EDIL3: variants seen among roughly 807,000 people sequenced by gnomAD.
The protein encoded by EDIL3 is EGF-like repeat and discoidin I-like domain-containing protein 3.
EDIL3 carries 37 observed loss-of-function variants against 67.4 expected under a neutral mutation model. The ratio of observed to expected loss-of-function variants is 0.55; its 90% CI spans 0.42 to 0.72. The LOEUF (loss-of-function observed/expected upper bound fraction) is 0.72, where lower values mean the gene tolerates loss of function less well. Ranked by LOEUF, EDIL3 falls within the 30% of genes least tolerant of loss-of-function variation. The pLI is 0.00. For missense variants in EDIL3, 527 were observed against 586.3 expected, an observed-to-expected ratio of 0.90 and a Z score of 1.04; for synonymous variants, 195 against 196.3, an observed-to-expected ratio of 0.99 and a Z score of 0.05.
chr5:84,009,909 T>C (rs1745487706), intron 9 of EDIL3, among the ~76,000 whole-genome samples: 3 of 152,356 alleles, frequency 2.0e-5, no homozygotes, highest in Non-Finnish European at 2.9e-5. Flanking sequence ...GGGAGACCAC[T>C]ACCACCAATT....
chr5:84,111,671 A>G (rs1476998737), intron 5 of EDIL3, among the ~76,000 whole-genome samples: 4 of 152,132 alleles, frequency 2.6e-5, no homozygotes, highest in South Asian at 2.1e-4. Context: ...CTATGAAGGA[A>G]AAAAAGAAGG....
chr5:84,375,361 G>GT (rs887152298), intron 1 of EDIL3, among the ~76,000 whole-genome samples: 10 of 151,830 alleles, frequency 6.6e-5, no homozygotes, highest in Non-Finnish European at 2.9e-5. Context: ...GCAGTTTGAA[G>GT]TTTTTTTAAA....
chr5:84,094,280 C>G (rs1184268568), intron 6 of EDIL3, among the ~76,000 whole-genome samples: 1 of 151,914 alleles, frequency 6.6e-6, no homozygotes, highest in Non-Finnish European at 1.5e-5. Context: ...AATTTTCCAC[C>G]TGGGATCATA....
intron 1 of EDIL3, among the ~76,000 whole-genome samples, chr5:84,315,565 G>C (rs1197871744): frequency 2.0e-5 from 3 of 152,054 alleles, no homozygotes; most frequent in Admixed American, 6.6e-5. Context: ...GCTAATTAAA[G>C]GAATTTAATG....
intron 1 of EDIL3, among the ~76,000 whole-genome samples, chr5:84,297,576 T>G (rs1746076051): frequency 6.6e-6 from 1 of 151,902 alleles, no homozygotes. Flanking sequence ...TGAGAAAAAG[T>G]CAGTTTGAGA....
At chr5:84,253,170 C>G (rs1417270208) in intron 2 of EDIL3, among the ~76,000 whole-genome samples, 1 of 152,084 alleles carries the variant, frequency 6.6e-6, no homozygotes, top group Admixed American at 6.5e-5. Flanking sequence ...AGACTGATCC[C>G]TGGACGCTAT....
chr5:84,295,303 AAAT>A (rs1746025129), intron 1 of EDIL3, among the ~76,000 whole-genome samples: 1 of 152,072 alleles, frequency 6.6e-6, no homozygotes, highest in African/African-American at 2.4e-5. Context: ...ACCCACTCTA[AAAT>A]AATGTTAGAT....
At chr5:84,126,359 AC>A (rs1362639561) in intron 5 of EDIL3, among the ~76,000 whole-genome samples, 1 of 152,056 alleles carries the variant, frequency 6.6e-6, no homozygotes, top group African/African-American at 2.4e-5. Flanking sequence ...TATAGTATGG[AC>A]CTTTTTGTCA....
chr5:84,254,362 C>A (rs1200428736), intron 1 of EDIL3, 150 bp from the exon 2 acceptor site: 10 of 889,042 alleles, frequency 1.1e-5, no homozygotes, highest in Non-Finnish European at 1.6e-5. Context: ...AGACTCATTT[C>A]AAACCATGTA....
chr5:84,342,649 T>A (rs1013740058), intron 1 of EDIL3, among the ~76,000 whole-genome samples: 1 of 152,180 alleles, frequency 6.6e-6, no homozygotes, highest in Admixed American at 6.5e-5. Flanking sequence ...TTCTCTTCAT[T>A]ATTAAATGAG....
rs73136234 is a variant in EDIL3, at chr5:84,108,637, T to A, written c.470-1807A>T. Among the ~76,000 whole-genome samples the A allele has an allele frequency of 1.3e-3, 204 of 152,328 alleles. 1 individual carries two copies. Among genetic ancestry groups the A allele is most frequent in the African/African-American group, 4.8e-3 (198 of 41,582 alleles). On this transcript the variant is annotated intron_variant, in intron 5 of 10. Transcript: ENST00000296591. ...TTGCTTTCCATTTTAAACTTCAAGA[T>A]CTTTACAGACTTCATAAACGTACTA...
intron 10 of EDIL3, among the ~76,000 whole-genome samples, chr5:83,945,188 AAGGAAT>A (rs1399062921): frequency 2.2e-4 from 34 of 151,982 alleles, no homozygotes; most frequent in Admixed American, 2.0e-4. Flanking sequence ...GTCTTGCACA[AAGGAAT>A]AATTCATTCT....
intron 3 of EDIL3, among the ~76,000 whole-genome samples, chr5:84,197,467 C>G (rs968333973): frequency 2.0e-5 from 3 of 151,912 alleles, no homozygotes; most frequent in Non-Finnish European, 2.9e-5. Context: ...TGGAGACCAT[C>G]TGGCCAACAT....
intron 4 of EDIL3, among the ~76,000 whole-genome samples, chr5:84,144,534 G>A (rs1221149049): frequency 1.3e-5 from 2 of 152,106 alleles, no homozygotes; most frequent in Non-Finnish European, 2.9e-5. Flanking sequence ...AGGGGATGTT[G>A]AGTTTTAGAG....
In EDIL3 at chr5:83,942,691, T is replaced by C. The variant is rs2112108264; in HGVS notation, c.*728A>G. 6.6e-6 allele frequency: 1 copy of C among 152,108 alleles called. No homozygotes were observed. Among genetic ancestry groups the C allele is most frequent in the South Asian group, 2.1e-4 (1 of 4,818 alleles). 9.4% of individuals were successfully genotyped at this position (152,108 alleles called of 1,614,324 possible). On this transcript the variant is annotated 3_prime_UTR_variant, in exon 11 of 11. Coordinates refer to ENST00000296591, the MANE Select transcript of EDIL3 (RefSeq NM_005711.5). Reference sequence around the variant, plus strand: ...TATTAAATACAGATCAATCTACTGATAGGCAGTCATGTTCTACATATATGA... The same window carrying C: ...TATTAAATACAGATCAATCTACTGACAGGCAGTCATGTTCTACATATATGA...
At chr5:84,207,557 A>C (rs1744009987) in intron 3 of EDIL3, among the ~76,000 whole-genome samples, 1 of 151,944 alleles carries the variant, frequency 6.6e-6, no homozygotes, top group Non-Finnish European at 1.5e-5. Flanking sequence ...TTTAAAGTTC[A>C]TATGGAACCA....
intron 9 of EDIL3, among the ~76,000 whole-genome samples, chr5:84,031,584 A>T (rs1745924399): frequency 6.6e-6 from 1 of 152,216 alleles, no homozygotes; most frequent in African/African-American, 2.4e-5. Context: ...AAGAAGAGAC[A>T]CGAGAGGTTC....
At chr5:84,009,087 C>T (rs1358102680) in intron 9 of EDIL3, among the ~76,000 whole-genome samples, 1 of 152,204 alleles carries the variant, frequency 6.6e-6, no homozygotes, top group Admixed American at 6.5e-5. Context: ...GCTGGGATTA[C>T]AGGCGTGAGC....
intron 3 of EDIL3, among the ~76,000 whole-genome samples, chr5:84,218,985 G>A (rs1453399515): frequency 6.6e-6 from 1 of 152,206 alleles, no homozygotes; most frequent in Non-Finnish European, 1.5e-5. Flanking sequence ...GCTGATTGTA[G>A]ACCCCTAAGG....
Sources: allele counts gnomAD v4.1 joint callset (sites outside exome capture counted in the v4.1 genomes callset), GRCh38; gene constraint gnomAD v4.1.1; transcripts MANE v1.5; gene names NCBI Gene and HGNC (gene_info 2026-07-23, HGNC 2026-07-21).